DYNC2H1: variants seen among roughly 807,000 people sequenced by gnomAD.
DYNC2H1 encodes cytoplasmic dynein 2 heavy chain 1.
Under a neutral mutation model 570.0 loss-of-function variants are expected in DYNC2H1, and 410 were observed. That is an observed-to-expected ratio of 0.72 (90% CI 0.66 to 0.78). The LOEUF is 0.78. Ranked by LOEUF, DYNC2H1 falls within the 30% of genes least tolerant of loss-of-function variation. The pLI is 0.00. For missense variants in DYNC2H1, 4,865 were observed against 5,046.4 expected (o/e 0.96, Z 1.09); for synonymous variants, 1,688 against 1,677.6 (o/e 1.01, Z -0.15).
chr11:103,344,296 T>C (rs991767877), intron 82 of DYNC2H1, among the ~76,000 whole-genome samples: 3 of 152,226 alleles, frequency 2.0e-5, no homozygotes, highest in Non-Finnish European at 4.4e-5. Flanking sequence ...AATAATAGGA[T>C]AGACATTTTC....
rs604294 is a variant in DYNC2H1 at position 103,243,308 on chromosome 11, A to G, written c.9820-385A>G. 1.4e-3 allele frequency among the ~76,000 whole-genome samples: 76 copies of G among 54,482 alleles called. No homozygotes were observed. Among genetic ancestry groups the G allele is most frequent in the East Asian group, 5.7e-3 (9 of 1,570 alleles). The allele number at this position is 54,482 out of a possible 152,430, so 35.7% of individuals were successfully genotyped here. Reference sequence around the variant, plus strand: ...AGATAGATAGATAGATAGATAGATAAATAGAGAATAATTTGACTGTGTATT... The same window carrying G: ...AGATAGATAGATAGATAGATAGATAGATAGAGAATAATTTGACTGTGTATT... On this transcript the variant is annotated intron_variant, in intron 63 of 88. Coordinates refer to ENST00000375735, the MANE Select transcript of DYNC2H1 (RefSeq NM_001377.3). This position sits in a 1 kb window ranked among gnomAD's most constrained non-coding sequence, Gnocchi z 4.8.
In DYNC2H1 at chr11:103,109,726, T is replaced by G; in HGVS notation, c.152T>G (p.Leu51Arg). 6.2e-7 allele frequency: 1 copy of G among 1,613,944 alleles called. No individual in the cohort carries two copies. The highest frequency in any genetic ancestry group is 8.5e-7 in the Non-Finnish European group (1 of 1,179,890). ...NFLDDGNQML[L>R]RVQRSDAGIS... is the part of the protein sequence containing the mutation. ...TTGGATGACGGCAACCAGATGCTCC[T>G]CAGGGTGCAGCGATCCGACGCAGGA... Residue 51 changes from leucine to arginine, a missense_variant, in exon 1 of 89, where the codon CTC (leucine) becomes CGC (arginine). By Grantham distance (102) the Leu-to-Arg change is moderately radical. Transcript: ENST00000375735.
intron 83 of DYNC2H1, among the ~76,000 whole-genome samples, chr11:103,382,745 T>C (rs751313461): frequency 4.7e-4 from 71 of 152,256 alleles, no homozygotes; most frequent in Non-Finnish European, 4.3e-4. Context: ...ATTTAGTTCT[T>C]AGTAAAACTT....
intron 82 of DYNC2H1, among the ~76,000 whole-genome samples, chr11:103,328,802 G>A (rs781601237): frequency 6.6e-6 from 1 of 152,156 alleles, no homozygotes; most frequent in Non-Finnish European, 1.5e-5. Context: ...AACCACATCA[G>A]CTAATACACT....
intron 52 of DYNC2H1, among the ~76,000 whole-genome samples, chr11:103,208,228 A>T (rs1247480385): frequency 6.6e-6 from 1 of 152,190 alleles, no homozygotes; most frequent in Non-Finnish European, 1.5e-5. Flanking sequence ...TCTATAATGG[A>T]TATTGAAATT....
At chr11:103,349,593 C>T (rs1467331100) in intron 82 of DYNC2H1, among the ~76,000 whole-genome samples, 1 of 152,056 alleles carries the variant, frequency 6.6e-6, no homozygotes, top group Non-Finnish European at 1.5e-5. Context: ...AAGTGTCAGC[C>T]TAGTACTGCA....
intron 83 of DYNC2H1, among the ~76,000 whole-genome samples, chr11:103,393,814 G>A: frequency 6.6e-6 from 1 of 152,190 alleles, no homozygotes; most frequent in South Asian, 2.1e-4. Context: ...ATGGCGGAAG[G>A]CGAGGAGGAG....
rs1374337456 is a variant in DYNC2H1 at position 103,109,642 on chromosome 11, T to TA, written c.68_69insA (p.Met24AspfsTer3). 6.2e-7 allele frequency: 1 copy of TA among 1,613,880 alleles called. No individual in the cohort carries two copies. The highest frequency in any genetic ancestry group is 8.5e-7 in the Non-Finnish European group (1 of 1,179,892). ...ACTACTACCCAGAATTACTTCGGGT[T>TA]GATGTCTGAACTCTGGGATCAGCCA... On this transcript the variant is annotated frameshift_variant, in exon 1 of 89. Coordinates refer to ENST00000375735, the MANE Select transcript of DYNC2H1 (RefSeq NM_001377.3). LOFTEE classifies it high-confidence loss of function.
intron 43 of DYNC2H1, among the ~76,000 whole-genome samples, chr11:103,188,235 T>C (rs1862154055): frequency 6.6e-6 from 1 of 152,090 alleles, no homozygotes; most frequent in Non-Finnish European, 1.5e-5. Flanking sequence ...CAATTTATAA[T>C]ATCATTGCAT....
Position 103,363,719 on chromosome 11 carries a change from G to A in DYNC2H1, c.12156+5360G>A, listed in dbSNP as rs891419906. On this transcript the variant is annotated intron_variant, in intron 83 of 88. Coordinates refer to ENST00000375735, the MANE Select transcript of DYNC2H1 (RefSeq NM_001377.3). This position sits in a 1 kb window ranked among gnomAD's most constrained non-coding sequence, Gnocchi z 5.6. ...AAAGGGATTGGAAAATATAAATTAA[G>A]TCTACATTACTGATTGTGACTAATA... Among the ~76,000 whole-genome samples the A allele has an allele frequency of 3.3e-5, 5 of 152,206 alleles. No homozygotes were observed. Among genetic ancestry groups the A allele is most frequent in the African/African-American group, 1.2e-4 (5 of 41,452 alleles).
At chr11:103,410,855 A>C (rs1424902207) in intron 84 of DYNC2H1, among the ~76,000 whole-genome samples, 1 of 152,178 alleles carries the variant, frequency 6.6e-6, no homozygotes, top group African/African-American at 2.4e-5. Flanking sequence ...CCAACCCTAT[A>C]TATCAGTATA....
Position 103,472,927 on chromosome 11 carries a change from C to G in DYNC2H1, c.12765+4222C>G, listed in dbSNP as rs1340898029. 6.6e-6 allele frequency among the ~76,000 whole-genome samples: 1 copy of G among 152,122 alleles called. No individual in the cohort carries two copies. The highest frequency in any genetic ancestry group is 1.5e-5 in the Non-Finnish European group (1 of 68,016). On this transcript the variant is annotated intron_variant, in intron 88 of 88. Transcript: ENST00000375735. This position sits in a 1 kb window ranked among gnomAD's most constrained non-coding sequence, Gnocchi z 4.1. ...GTTTCAACAGAAACTTGCCCACTAA[C>G]CCAGTCATTTGCACAACATTGCTTT... is the stretch of plus-strand genomic sequence containing the variant.
At chr11:103,385,897 AT>A (rs1424312636) in intron 83 of DYNC2H1, among the ~76,000 whole-genome samples, 4 of 152,262 alleles carry the variant, frequency 2.6e-5, no homozygotes, top group Admixed American at 2.0e-4. Flanking sequence ...CTTGAATAGG[AT>A]AATTGATCTG....
At chr11:103,274,914 G>A (rs541871412) in intron 70 of DYNC2H1, among the ~76,000 whole-genome samples, 9 of 151,982 alleles carry the variant, frequency 5.9e-5, no homozygotes, top group African/African-American at 2.2e-4. Context: ...GGTCAACATG[G>A]CGAAACCCCG....
chr11:103,162,316 T>A (rs1861130421), intron 29 of DYNC2H1, among the ~76,000 whole-genome samples: 2 of 152,340 alleles, frequency 1.3e-5, no homozygotes, highest in South Asian at 4.1e-4. Context: ...CAGAGTTATT[T>A]AAGTACGCAA....
intron 83 of DYNC2H1, among the ~76,000 whole-genome samples, chr11:103,390,237 T>C (rs1942079675): frequency 6.6e-6 from 1 of 152,172 alleles, no homozygotes; most frequent in Non-Finnish European, 1.5e-5. Flanking sequence ...TATGGATCCC[T>C]TTACCATTAT....
At chr11:103,343,093 G>A (rs1939552218) in intron 82 of DYNC2H1, among the ~76,000 whole-genome samples, 1 of 152,168 alleles carries the variant, frequency 6.6e-6, no homozygotes, top group Admixed American at 6.5e-5. Flanking sequence ...ACTCTTTGGA[G>A]TTGGGAGCAT....
intron 80 of DYNC2H1, among the ~76,000 whole-genome samples, chr11:103,320,719 G>A (rs2135436866): frequency 6.6e-6 from 1 of 152,248 alleles, no homozygotes; most frequent in Admixed American, 6.5e-5. Flanking sequence ...AGATCTTCGA[G>A]ATTGTATAAC....
At chr11:103,257,195 C>A (rs1865090462) in intron 68 of DYNC2H1, among the ~76,000 whole-genome samples, 1 of 152,092 alleles carries the variant, frequency 6.6e-6, no homozygotes, top group South Asian at 2.1e-4. Flanking sequence ...CCCCTTCCAG[C>A]ATGTGAGAAC....
Sources: gnomAD v4.1 joint callset for allele counts (sites outside exome capture counted in the v4.1 genomes callset) on GRCh38, gnomAD v4.1.1 for gene constraint, Gnocchi (gnomAD v3.1) non-coding constraint, MANE v1.5 for transcripts, NCBI Gene and HGNC (gene_info 2026-07-23, HGNC 2026-07-21) for gene names.